CREBBP: variants seen among roughly 807,000 people sequenced by gnomAD.
CREBBP encodes CREB-binding protein.
In CREBBP, 19 loss-of-function variants were observed where a neutral mutation model predicts 265.0. That is an observed-to-expected ratio of 0.07 (90% CI 0.05 to 0.11). The LOEUF (loss-of-function observed/expected upper bound fraction) is 0.11. Ranked by LOEUF, CREBBP falls within the 10% of genes least tolerant of loss-of-function variation. The pLI, the probability that CREBBP is intolerant of heterozygous loss-of-function variation, is 1.00. For synonymous variants in CREBBP, 1,457 were observed against 1,223.7 expected, an observed-to-expected ratio of 1.19 and a Z score of -3.98; for missense variants, 2,525 against 3,219.0, an observed-to-expected ratio of 0.78 and a Z score of 5.22.
At chr16:3,814,271 T>TGTGTGTGTG in intron 2 of CREBBP, among the ~76,000 whole-genome samples, 1 of 103,918 alleles carries the variant, frequency 9.6e-6, no homozygotes, top group Non-Finnish European at 2.0e-5. Flanking sequence ...GTGTGTGTGT[T>TGTGTGTGTG]TGAGACAGAG....
At chr16:3,816,957 C>T (rs1265946198) in intron 2 of CREBBP, among the ~76,000 whole-genome samples, 4 of 152,166 alleles carry the variant, frequency 2.6e-5, no homozygotes, top group Non-Finnish European at 4.4e-5. Context: ...TCAGCAATGG[C>T]TGGAGGGGGC....
At chr16:3,855,912 GCACA>G (rs1299049160) in intron 1 of CREBBP, among the ~76,000 whole-genome samples, 1 of 152,162 alleles carries the variant, frequency 6.6e-6, no homozygotes, top group African/African-American at 2.4e-5. Flanking sequence ...TTGTCCACCT[GCACA>G]CACAAATTTA....
chr16:3,812,401 ACTC>A (rs1454575870), intron 2 of CREBBP, among the ~76,000 whole-genome samples: 5 of 150,930 alleles, frequency 3.3e-5, no homozygotes, highest in African/African-American at 9.7e-5. Context: ...CTGGTCTTGA[ACTC>A]CTGACCTCAG....
intron 2 of CREBBP, among the ~76,000 whole-genome samples, chr16:3,835,940 C>A (rs562516171): frequency 6.6e-6 from 1 of 151,768 alleles, no homozygotes; most frequent in Non-Finnish European, 1.5e-5. Context: ...AATGGGAGAA[C>A]GGACAAGCAA....
At chr16:3,784,264 A>C (rs2053338551) in intron 5 of CREBBP, among the ~76,000 whole-genome samples, 1 of 152,102 alleles carries the variant, frequency 6.6e-6, no homozygotes, top group Non-Finnish European at 1.5e-5. Context: ...AAAATGTGTG[A>C]AAAAAAATTC....
At chr16:3,831,786 C>G (rs917104140) in intron 2 of CREBBP, among the ~76,000 whole-genome samples, 1 of 152,132 alleles carries the variant, frequency 6.6e-6, no homozygotes, top group South Asian at 2.1e-4. Flanking sequence ...CACTTGAGGT[C>G]AGGAGTTCGA....
intron 21 of CREBBP, among the ~76,000 whole-genome samples, chr16:3,747,644 T>C (rs1267271621): frequency 1.3e-5 from 2 of 152,192 alleles, no homozygotes; most frequent in East Asian, 1.9e-4. Flanking sequence ...ACTACTTGAA[T>C]GTAATATATT....
chr16:3,800,936 C>CA (rs1054639375), intron 3 of CREBBP, among the ~76,000 whole-genome samples: 1 of 152,190 alleles, frequency 6.6e-6, no homozygotes, highest in Non-Finnish European at 1.5e-5. Flanking sequence ...AGACACAAGA[C>CA]AAAACAAATC....
At chr16:3,752,341 CA>C (rs2052493256) in intron 19 of CREBBP, among the ~76,000 whole-genome samples, 3 of 151,964 alleles carry the variant, frequency 2.0e-5, no homozygotes, top group Non-Finnish European at 4.4e-5. Context: ...CTTTATTTTT[CA>C]AAATGGAAAA....
intron 3 of CREBBP, among the ~76,000 whole-genome samples, chr16:3,798,939 T>C (rs533412423): frequency 4.3e-4 from 65 of 152,218 alleles, no homozygotes; most frequent in African/African-American, 1.4e-3. Flanking sequence ...CAAATGCCCA[T>C]CAAGTGATGA....
At chr16:3,775,834 T>C (rs2053124557) in intron 11 of CREBBP, among the ~76,000 whole-genome samples, 1 of 152,156 alleles carries the variant, frequency 6.6e-6, no homozygotes, top group Non-Finnish European at 1.5e-5. Context: ...AGCATCTTCC[T>C]ATCCAGGCTG....
intron 2 of CREBBP, among the ~76,000 whole-genome samples, chr16:3,818,763 A>G (rs2054087825): frequency 6.6e-6 from 1 of 152,206 alleles, no homozygotes. Context: ...GGGGGGTGTC[A>G]CTGATGCTGG....
Position 3,867,836 on chromosome 16 carries a change from G to A in CREBBP, c.85+11996C>T, listed in dbSNP as rs568273612. Among the ~76,000 whole-genome samples the A allele has an allele frequency of 9.9e-5, 15 of 152,092 alleles. No homozygotes were observed. The South Asian group carries it at 3.1e-3, about 32-fold the overall frequency. On this transcript the variant is annotated intron_variant, in intron 1 of 30. Transcript: ENST00000262367. ...CCTAGCTACTTGGGAGGCTGAGGTGGGATTGCTTGAGCCCAGAAGGTGGAC... is the reference window on the plus strand; with the variant it reads ...CCTAGCTACTTGGGAGGCTGAGGTGAGATTGCTTGAGCCCAGAAGGTGGAC...
chr16:3,815,734 G>C (rs1249196133), intron 2 of CREBBP, among the ~76,000 whole-genome samples: 4 of 151,784 alleles, frequency 2.6e-5, no homozygotes, highest in African/African-American at 9.7e-5. Flanking sequence ...CATGCACTGT[G>C]TAATAATCAC....
chr16:3,823,836 G>A (rs116442050), intron 2 of CREBBP, among the ~76,000 whole-genome samples: 1,896 of 152,098 alleles, frequency 0.012, 44 homozygotes, highest in African/African-American at 0.044. Flanking sequence ...AGTTCCTATC[G>A]AGCAGCAGAC....
chr16:3,804,250 A>G (rs972996972), intron 3 of CREBBP, among the ~76,000 whole-genome samples: 6 of 152,220 alleles, frequency 3.9e-5, no homozygotes, highest in African/African-American at 1.4e-4. Context: ...CTAAAAACTT[A>G]AAGTTTTTAG....
chr16:3,823,260 T>C (rs965531737), intron 2 of CREBBP, among the ~76,000 whole-genome samples: 1 of 152,224 alleles, frequency 6.6e-6, no homozygotes, highest in Non-Finnish European at 1.5e-5. Context: ...ACATTCTGAG[T>C]GCCCAAAATG....
intron 5 of CREBBP, among the ~76,000 whole-genome samples, chr16:3,788,488 G>C (rs753254356): frequency 6.6e-6 from 1 of 152,202 alleles, no homozygotes; most frequent in Non-Finnish European, 1.5e-5. Flanking sequence ...CCAAAGCCCA[G>C]TCAACCATGC....
intron 2 of CREBBP, among the ~76,000 whole-genome samples, chr16:3,843,851 A>C (rs1323044230): frequency 6.6e-6 from 1 of 152,138 alleles, no homozygotes; most frequent in Non-Finnish European, 1.5e-5. Flanking sequence ...TCACAGAATA[A>C]ATATGAAAGA....
Sources: allele counts gnomAD v4.1 joint callset (sites outside exome capture counted in the v4.1 genomes callset), GRCh38; gene constraint gnomAD v4.1.1; transcripts MANE v1.5; gene names NCBI Gene and HGNC (gene_info 2026-07-23, HGNC 2026-07-21).